The following IL1RAP variants were observed in gnomAD, a reference collection of about 807,000 sequenced individuals.
IL1RAP encodes interleukin-1 receptor accessory protein.
Under a neutral mutation model 60.7 loss-of-function variants are expected in IL1RAP, and 35 were observed. The observed-to-expected ratio is 0.58, with a 90% CI of 0.44 to 0.76. The LOEUF (loss-of-function observed/expected upper bound fraction) is 0.76. IL1RAP is among the 30% of genes least tolerant of loss of function. IL1RAP has a pLI of 0.00. For missense variants in IL1RAP, 572 were observed against 693.9 expected, an observed-to-expected ratio of 0.82 and a Z score of 1.97; for synonymous variants, 268 against 250.9, an observed-to-expected ratio of 1.07 and a Z score of -0.64.
chr3:190,647,627 G>A (rs925112220), intron 11 of IL1RAP, among the ~76,000 whole-genome samples: 4 of 152,278 alleles, frequency 2.6e-5, no homozygotes, highest in Admixed American at 1.3e-4. Context: ...AGTAATGGTC[G>A]GAGTTTGAGG....
rs6775620 is a variant in IL1RAP at position 190,582,876 on chromosome 3, C to T, written c.64+18523C>T. Among the ~76,000 whole-genome samples, 1,284 of 152,296 alleles carry T rather than the reference C, an allele frequency of 8.4e-3. 22 individuals are homozygous for T. Among genetic ancestry groups the T allele is most frequent in the African/African-American group, 0.03 (1,253 of 41,544 alleles). ...AGCTTCTTCATATTCCACTGTTTTC[C>T]TTGCCCCTGGCAGTGAAGTTTTCTG... On this transcript the variant is annotated intron_variant, in intron 3 of 11. Coordinates refer to ENST00000447382, the MANE Select transcript of IL1RAP (RefSeq NM_002182.4).
intron 2 of IL1RAP, among the ~76,000 whole-genome samples, chr3:190,559,776 TA>T (rs1235506662): frequency 2.0e-5 from 3 of 152,228 alleles, no homozygotes; most frequent in Non-Finnish European, 2.9e-5. Flanking sequence ...AAATTTGATT[TA>T]TGATACATGA....
chr3:190,593,885 G>A (rs1470205631), intron 3 of IL1RAP, among the ~76,000 whole-genome samples: 4 of 152,160 alleles, frequency 2.6e-5, no homozygotes, highest in Non-Finnish European at 5.9e-5. Context: ...TTGGAAACCA[G>A]TGGTATATTA....
At chr3:190,564,659 TG>T (rs1553838526) in intron 3 of IL1RAP, 49 of 311,570 alleles carry the variant, frequency 1.6e-4, no homozygotes, top group Non-Finnish European at 9.2e-5. Flanking sequence ...TCAGGTCCTA[TG>T]GGGGAAAAAT....
intron 8 of IL1RAP, among the ~76,000 whole-genome samples, chr3:190,628,174 G>A (rs1483185679): frequency 1.3e-5 from 2 of 152,108 alleles, no homozygotes; most frequent in Admixed American, 6.5e-5. Context: ...AAGACAGAAG[G>A]TTCCACTGCA....
intron 8 of IL1RAP, among the ~76,000 whole-genome samples, chr3:190,627,728 G>C (rs1241464129): frequency 6.6e-6 from 1 of 152,146 alleles, no homozygotes. Flanking sequence ...GCACCCTATT[G>C]TCTTAAGCCC....
At chr3:190,554,257 T>C (rs1725194291) in intron 1 of IL1RAP, among the ~76,000 whole-genome samples, 1 of 151,916 alleles carries the variant, frequency 6.6e-6, no homozygotes, top group African/African-American at 2.4e-5. Context: ...ATGGAATTTA[T>C]TGGGCAAAAA....
At chr3:190,542,477 T>C (rs1024976567) in intron 1 of IL1RAP, among the ~76,000 whole-genome samples, 1 of 152,168 alleles carries the variant, frequency 6.6e-6, no homozygotes, top group African/African-American at 2.4e-5. Flanking sequence ...GCACTGTGTA[T>C]AGTGTCAAAG....
Position 190,651,080 on chromosome 3 carries a change from T to C in IL1RAP, c.*2375T>C, listed in dbSNP as rs79544523. 4,167 of 984,918 alleles carry C rather than the reference T, an allele frequency of 4.2e-3. 152 individuals are homozygous for C. In the African/African-American group the frequency reaches 0.068, roughly 16 times the overall value. The allele number at this position is 984,918 out of a possible 1,614,324, so 61.0% of individuals were successfully genotyped here. A position where few individuals can be genotyped will look rare whatever the true frequency, so the allele number is the denominator to read the frequency against. ...GAGAATTTGTTTCAAGATTTTTTTT[T>C]AATGTTCCAGAAGATGGCCAATAGA... On this transcript the variant is annotated 3_prime_UTR_variant, in exon 12 of 12. Coordinates refer to ENST00000447382, the MANE Select transcript of IL1RAP (RefSeq NM_002182.4).
At chr3:190,654,190 T>A (rs1462212958), downstream of IL1RAP, among the ~76,000 whole-genome samples, 2 of 140,414 alleles carry the variant, frequency 1.4e-5, no homozygotes, top group African/African-American at 5.3e-5. Context: ...AAACATCATA[T>A]CACACACACA....
At chr3:190,583,722 T>C (rs1348060957) in intron 3 of IL1RAP, among the ~76,000 whole-genome samples, 1 of 152,176 alleles carries the variant, frequency 6.6e-6, no homozygotes, top group Non-Finnish European at 1.5e-5. Flanking sequence ...GGTGTAGTGT[T>C]CAATTTAGGC....
intron 7 of IL1RAP, among the ~76,000 whole-genome samples, chr3:190,626,792 C>T (rs750572972): frequency 1.2e-4 from 18 of 151,494 alleles, no homozygotes; most frequent in Non-Finnish European, 2.5e-4. Flanking sequence ...TACCTCAGCC[C>T]CCCAAGTAGC....
chr3:190,637,114 C>T (rs1396119145), intron 9 of IL1RAP, among the ~76,000 whole-genome samples: 9 of 152,120 alleles, frequency 5.9e-5, no homozygotes, highest in Admixed American at 5.9e-4. Flanking sequence ...TTTGGTTTTG[C>T]ATGAATTACA....
intron 3 of IL1RAP, among the ~76,000 whole-genome samples, chr3:190,596,742 A>G (rs946986774): frequency 6.6e-6 from 1 of 152,200 alleles, no homozygotes; most frequent in South Asian, 2.1e-4. Flanking sequence ...TGTGCTAGTA[A>G]TTTGCTAAAT....
chr3:190,605,552 G>A (rs1001638960), intron 4 of IL1RAP, among the ~76,000 whole-genome samples: 1 of 152,104 alleles, frequency 6.6e-6, no homozygotes, highest in Non-Finnish European at 1.5e-5. Context: ...CTTTGCTAGG[G>A]CTGCAATGAC....
At chr3:190,598,519 C>T (rs1477648515) in intron 3 of IL1RAP, among the ~76,000 whole-genome samples, 4 of 151,764 alleles carry the variant, frequency 2.6e-5, no homozygotes, top group Admixed American at 1.3e-4. Context: ...TCCTTTCTTC[C>T]TTTTATTCTA....
intron 3 of IL1RAP, among the ~76,000 whole-genome samples, chr3:190,598,588 TA>T (rs897362202): frequency 4.6e-5 from 7 of 151,848 alleles, no homozygotes; most frequent in Non-Finnish European, 1.0e-4. Context: ...GTCAATATAT[TA>T]AAAAAAATCA....
At chr3:190,527,135 A>G (rs891557190) in intron 1 of IL1RAP, among the ~76,000 whole-genome samples, 2 of 152,202 alleles carry the variant, frequency 1.3e-5, no homozygotes, top group East Asian at 1.9e-4. Flanking sequence ...TTTGGGTGAC[A>G]AGGAAAAAAC....
At chr3:190,549,411 T>G (rs1724665772) in intron 1 of IL1RAP, among the ~76,000 whole-genome samples, 1 of 151,248 alleles carries the variant, frequency 6.6e-6, no homozygotes, top group Admixed American at 6.6e-5. Context: ...GGGGGTGCTG[T>G]TTTGGGAAAA....
Sources: allele counts gnomAD v4.1 joint callset (sites outside exome capture counted in the v4.1 genomes callset), GRCh38; gene constraint gnomAD v4.1.1; transcripts MANE v1.5; gene names NCBI Gene and HGNC (gene_info 2026-07-23, HGNC 2026-07-21).